The following GPR158 variants were observed in gnomAD, a reference collection of about 807,000 sequenced individuals.
The protein encoded by GPR158 is G protein-coupled receptor 158.
Under a neutral mutation model 78.2 loss-of-function variants are expected in GPR158, and 30 were observed. That is an observed-to-expected ratio of 0.38 (90% CI 0.29 to 0.52). The LOEUF (loss-of-function observed/expected upper bound fraction) is 0.52. Ranked by LOEUF, GPR158 falls within the 20% of genes least tolerant of loss-of-function variation. The probability of loss-of-function intolerance (pLI) is 0.83; values close to 1 mark genes in which losing one functional copy is unlikely to be tolerated. For missense variants in GPR158, 1,463 were observed against 1,523.5 expected (o/e 0.96, Z 0.66); for synonymous variants, 581 against 591.1 (o/e 0.98, Z 0.25).
chr10:25,495,639 G>A (rs971280987), intron 5 of GPR158, among the ~76,000 whole-genome samples: 5 of 151,890 alleles, frequency 3.3e-5, no homozygotes, highest in African/African-American at 1.2e-4. Context: ...CAACAGTAAA[G>A]AGAAATGACC....
At chr10:25,516,941 A>T (rs2130676703) in intron 5 of GPR158, among the ~76,000 whole-genome samples, 1 of 147,218 alleles carries the variant, frequency 6.8e-6, no homozygotes, top group East Asian at 2.0e-4. Context: ...GATGGCATTG[A>T]ATCTGCAAAT....
intron 1 of GPR158, among the ~76,000 whole-genome samples, chr10:25,203,010 G>T (rs1178355007): frequency 6.6e-6 from 1 of 152,262 alleles, no homozygotes; most frequent in African/African-American, 2.4e-5. Flanking sequence ...GGCCAGTGAT[G>T]GTGAGCATTT....
intron 5 of GPR158, among the ~76,000 whole-genome samples, chr10:25,516,356 C>CAGA (rs976107820): frequency 2.0e-4 from 31 of 151,624 alleles, no homozygotes; most frequent in African/African-American, 7.5e-4. Context: ...TTTGGCTGTG[C>CAGA]AGAAGCTCTT....
chr10:25,224,276 A>G (rs1381290540), intron 2 of GPR158, among the ~76,000 whole-genome samples: 1 of 152,032 alleles, frequency 6.6e-6, no homozygotes, highest in African/African-American at 2.4e-5. Flanking sequence ...GTGTAAAAAA[A>G]CCATTGTTTG....
intron 4 of GPR158, among the ~76,000 whole-genome samples, chr10:25,439,522 C>T (rs907111581): frequency 1.3e-5 from 2 of 152,138 alleles, no homozygotes; most frequent in African/African-American, 4.8e-5. Context: ...CTGCCCCTAT[C>T]CCCCCATCTC....
chr10:25,441,862 C>A (rs1193805457), intron 4 of GPR158, among the ~76,000 whole-genome samples: 1 of 152,110 alleles, frequency 6.6e-6, no homozygotes, highest in Non-Finnish European at 1.5e-5. Context: ...CTCTTTTTGG[C>A]TTTCCTTAGT....
intron 5 of GPR158, among the ~76,000 whole-genome samples, chr10:25,484,762 C>G (rs966528808): frequency 7.9e-5 from 12 of 152,152 alleles, no homozygotes; most frequent in African/African-American, 2.9e-4. Flanking sequence ...CTTTCTGTCT[C>G]TTCCAGTAGT....
At chr10:25,571,290 T>C (rs1277911627) in intron 6 of GPR158, among the ~76,000 whole-genome samples, 2 of 152,210 alleles carry the variant, frequency 1.3e-5, no homozygotes, top group Non-Finnish European at 2.9e-5. Context: ...ATTTTGTTAA[T>C]AATTAAATAA....
chr10:25,272,399 T>A (rs555073470), intron 2 of GPR158, among the ~76,000 whole-genome samples: 19 of 149,592 alleles, frequency 1.3e-4, no homozygotes, highest in Admixed American at 2.7e-4. Flanking sequence ...CTCTGGTAGA[T>A]GATTTATTTT....
intron 1 of GPR158, among the ~76,000 whole-genome samples, chr10:25,177,046 T>G (rs548337117): frequency 6.6e-6 from 1 of 152,182 alleles, no homozygotes; most frequent in African/African-American, 2.4e-5. Flanking sequence ...TACTTAAGGG[T>G]TCTCCAGCCC....
chr10:25,387,170 G>A (rs1358361118), intron 2 of GPR158, among the ~76,000 whole-genome samples: 1 of 152,066 alleles, frequency 6.6e-6, no homozygotes, highest in East Asian at 1.9e-4. Context: ...TATGTTGGGT[G>A]TTTTTATCAT....
intron 2 of GPR158, among the ~76,000 whole-genome samples, chr10:25,304,959 A>T (rs1854649689): frequency 1.3e-5 from 2 of 152,218 alleles, no homozygotes; most frequent in African/African-American, 4.8e-5. Context: ...TTTGGAGGTG[A>T]GACATTCTGC....
chr10:25,546,866 GT>G, intron 5 of GPR158, among the ~76,000 whole-genome samples: 1 of 152,288 alleles, frequency 6.6e-6, no homozygotes, highest in East Asian at 1.9e-4. Flanking sequence ...TGAGCCGGGG[GT>G]TGTGCAAGGA....
At chr10:25,236,136 A>T (rs913740927) in intron 2 of GPR158, among the ~76,000 whole-genome samples, 1 of 152,170 alleles carries the variant, frequency 6.6e-6, no homozygotes, top group African/African-American at 2.4e-5. Flanking sequence ...AATTAGTGTC[A>T]TTCACCACTG....
chr10:25,176,386 G>A lies in GPR158; in HGVS notation c.902+64G>A. 7.9e-7 allele frequency: 1 copy of A among 1,266,764 alleles called. No individual in the cohort carries two copies. Among genetic ancestry groups the A allele is most frequent in the Non-Finnish European group, 1.1e-6 (1 of 923,964 alleles). The allele number at this position is 1,266,764 out of a possible 1,614,324, so 78.5% of individuals were successfully genotyped here. The stretch of plus-strand genomic sequence containing the variant: ...AAGCTTTCCTTCCGGTCTTGTGGGT[G>A]GGTGCACGTGTGAGGAAGGAACCCT... On this transcript the variant is annotated intron_variant, in intron 1 of 10. Transcript: ENST00000376351. This position sits in a 1 kb window ranked among gnomAD's most constrained non-coding sequence, Gnocchi z 6.3.
intron 3 of GPR158, among the ~76,000 whole-genome samples, chr10:25,410,392 T>C (rs1588849766): frequency 6.6e-6 from 1 of 152,032 alleles, no homozygotes; most frequent in Admixed American, 6.6e-5. Context: ...CTGAGGCAGG[T>C]GGATAACAAG....
chr10:25,346,964 C>T (rs1259771706), intron 2 of GPR158, among the ~76,000 whole-genome samples: 1 of 151,864 alleles, frequency 6.6e-6, no homozygotes, highest in Non-Finnish European at 1.5e-5. Context: ...TGTTACTTTA[C>T]CTCCATGAGT....
intron 5 of GPR158, among the ~76,000 whole-genome samples, chr10:25,498,514 A>G (rs1835913575): frequency 6.6e-6 from 1 of 152,138 alleles, no homozygotes; most frequent in African/African-American, 2.4e-5. Context: ...AGCATTCTCA[A>G]GGCTCTCCAG....
chr10:25,355,785 G>A (rs568758133), intron 2 of GPR158, among the ~76,000 whole-genome samples: 1 of 152,144 alleles, frequency 6.6e-6, no homozygotes, highest in East Asian at 1.9e-4. Context: ...TTCTGAATGG[G>A]GTGGGTTTCA....
Sources: allele counts gnomAD v4.1 joint callset (sites outside exome capture counted in the v4.1 genomes callset), GRCh38; gene constraint gnomAD v4.1.1; non-coding constraint Gnocchi (gnomAD v3.1); transcripts MANE v1.5; gene names NCBI Gene and HGNC (gene_info 2026-07-23, HGNC 2026-07-21).